The following ADD1 variants were observed in gnomAD, a reference collection of about 807,000 sequenced individuals.
ADD1 encodes the protein alpha-adducin.
A neutral mutation model predicts 80.5 loss-of-function variants in ADD1; 24 were observed. That is an observed-to-expected ratio of 0.30 (90% CI 0.22 to 0.42). ADD1 has a LOEUF of 0.42. Among genes scored for constraint, ADD1 ranks in the 10% least tolerant of loss-of-function variants. The pLI is 1.00. For missense variants in ADD1, 948 were observed against 1,019.0 expected, an observed-to-expected ratio of 0.93 and a Z score of 0.95; for synonymous variants, 373 against 393.8, an observed-to-expected ratio of 0.95 and a Z score of 0.63.
At chr4:2,864,548 A>C (rs539999722) in intron 1 of ADD1, among the ~76,000 whole-genome samples, 1 of 152,230 alleles carries the variant, frequency 6.6e-6, no homozygotes, top group African/African-American at 2.4e-5. Flanking sequence ...TTATACTCAC[A>C]GTGATGCTTA....
intron 6 of ADD1, among the ~76,000 whole-genome samples, chr4:2,896,089 G>A (rs1011992738): frequency 3.3e-5 from 5 of 151,668 alleles, no homozygotes; most frequent in Admixed American, 6.6e-5. Flanking sequence ...GGGTTTCACC[G>A]TGTTAGCCAG....
intron 1 of ADD1, among the ~76,000 whole-genome samples, chr4:2,871,193 G>A (rs538550112): frequency 9.2e-5 from 14 of 151,972 alleles, no homozygotes; most frequent in African/African-American, 3.4e-4. Context: ...GGATGGTCTC[G>A]ATCTCCTCAC....
chr4:2,898,589 A>C (rs969124855), intron 8 of ADD1, 58 bp downstream of exon 8: 1 of 1,493,618 alleles, frequency 6.7e-7, no homozygotes, highest in Non-Finnish European at 9.3e-7. Context: ...TGGGGTTCAC[A>C]TAGATTTTTT....
At chr4:2,896,254 G>A (rs936598413) in intron 6 of ADD1, among the ~76,000 whole-genome samples, 3 of 151,302 alleles carry the variant, frequency 2.0e-5, no homozygotes, top group Admixed American at 6.6e-5. Context: ...TGTCACGCAG[G>A]CTGAAGTGCA....
intron 1 of ADD1, among the ~76,000 whole-genome samples, chr4:2,870,059 T>C (rs78849238): frequency 2.6e-4 from 39 of 152,256 alleles, no homozygotes; most frequent in Non-Finnish European, 5.1e-4. Flanking sequence ...TAAGTTTTCA[T>C]GTTCCAGCTT....
intron 13 of ADD1, among the ~76,000 whole-genome samples, chr4:2,912,752 C>T (rs1397510982): frequency 6.6e-6 from 1 of 152,190 alleles, no homozygotes; most frequent in Non-Finnish European, 1.5e-5. Flanking sequence ...GTCTCGAACT[C>T]CTGGGCTCAA....
intron 1 of ADD1, among the ~76,000 whole-genome samples, chr4:2,874,092 T>C (rs567860394): frequency 2.2e-4 from 34 of 152,066 alleles, no homozygotes; most frequent in African/African-American, 7.5e-4. Flanking sequence ...TGTGGGCCTG[T>C]AGTCTCAGCT....
intron 9 of ADD1, chr4:2,901,816 A>T (rs1168152942): frequency 9.3e-5 from 14 of 150,986 alleles, no homozygotes; most frequent in Admixed American, 5.3e-4. Context: ...ATTTCATTTG[A>T]ACTTCTACAG....
chr4:2,917,318 T>A (rs1577714256), intron 14 of ADD1, among the ~76,000 whole-genome samples: 1 of 152,238 alleles, frequency 6.6e-6, no homozygotes, highest in South Asian at 2.1e-4. Flanking sequence ...GTTTGTTGGC[T>A]ACATAAATGT....
In ADD1 at chr4:2,898,415, A is replaced by G; in HGVS notation, c.886-18A>G. 3.1e-6 allele frequency: 5 copies of G among 1,614,190 alleles called. No individual in the cohort carries two copies. Among genetic ancestry groups the G allele is most frequent in the Non-Finnish European group, 4.2e-6 (5 of 1,179,990 alleles). ...GTCTTCCTGCCCAGCTCCACAGAGCATTCATGCTTCCCCTCAGGTTCTTAT... is the reference window on the plus strand; with the variant it reads ...GTCTTCCTGCCCAGCTCCACAGAGCGTTCATGCTTCCCCTCAGGTTCTTAT... On this transcript the variant is annotated intron_variant, in intron 7 of 15. Transcript: ENST00000683351.
chr4:2,905,803 G>T (rs1161488143), intron 10 of ADD1: 1 of 152,858 alleles, frequency 6.5e-6, no homozygotes, highest in Non-Finnish European at 1.5e-5. Flanking sequence ...TCGTTTCAGC[G>T]TTAATGCCGC....
chr4:2,903,576 C>T (rs946767819), intron 9 of ADD1, among the ~76,000 whole-genome samples: 4 of 152,190 alleles, frequency 2.6e-5, no homozygotes, highest in African/African-American at 9.7e-5. Context: ...TTCTTGGCAG[C>T]TTTACTTCTT....
chr4:2,889,115 A>G (rs891054713), intron 4 of ADD1, among the ~76,000 whole-genome samples: 3 of 152,176 alleles, frequency 2.0e-5, no homozygotes, highest in Admixed American at 6.5e-5. Flanking sequence ...GTCAAACTTA[A>G]TATAAAGTGG....
chr4:2,926,168 C>CTGTGGCGGAA lies in ADD1; in HGVS notation c.2047+65_2047+74dup. On this transcript the variant is annotated intron_variant, in intron 15 of 15. Coordinates refer to ENST00000683351, the MANE Select transcript of ADD1 (RefSeq NM_001354761.2). This position sits in a 1 kb window ranked among gnomAD's most constrained non-coding sequence, Gnocchi z 5.0. ...TGGGAGGGTGCACGGCTCGTGCGCG[C>CTGTGGCGGAA]TGTGGCGGAATGTGGCGGGAGTCGT... 1 of 1,490,304 alleles carries CTGTGGCGGAA rather than the reference C, an allele frequency of 6.7e-7. No homozygotes were observed. Among genetic ancestry groups the CTGTGGCGGAA allele is most frequent in the Non-Finnish European group, 9.4e-7 (1 of 1,068,796 alleles). The allele number at this position is 1,490,304 out of a possible 1,614,324, so 92.3% of individuals were successfully genotyped here.
At chr4:2,846,853 C>T (rs1726280412) in intron 1 of ADD1, among the ~76,000 whole-genome samples, 1 of 149,484 alleles carries the variant, frequency 6.7e-6, no homozygotes, top group Admixed American at 6.7e-5. Flanking sequence ...CGTGGTGGCT[C>T]ACACCTGTAA....
rs1275652308 is a variant in ADD1, at chr4:2,846,649, A to G, written c.-21+2625A>G. Among the ~76,000 whole-genome samples, 3 of 152,062 alleles carry G rather than the reference A, an allele frequency of 2.0e-5. No homozygotes were observed. In the East Asian group the frequency reaches 5.8e-4, roughly 29 times the overall value. ...TCCATTATTTACTAGGTTTCACATA[A>G]TGAATTGTTTCGCTAATATCCTTCA... is the stretch of plus-strand genomic sequence containing the variant. On this transcript the variant is annotated intron_variant, in intron 1 of 15. Coordinates refer to ENST00000683351, the MANE Select transcript of ADD1 (RefSeq NM_001354761.2).
intron 4 of ADD1, among the ~76,000 whole-genome samples, chr4:2,885,294 C>G (rs962223607): frequency 6.6e-6 from 1 of 152,186 alleles, no homozygotes; most frequent in Admixed American, 6.5e-5. Context: ...TAGCGAAATC[C>G]TGCTGTGGAA....
intron 14 of ADD1, among the ~76,000 whole-genome samples, chr4:2,920,080 G>A (rs144689630): frequency 3.3e-5 from 5 of 152,026 alleles, no homozygotes; most frequent in African/African-American, 9.7e-5. Context: ...TTATTTCTGC[G>A]TGAATTTTGT....
intron 1 of ADD1, among the ~76,000 whole-genome samples, chr4:2,854,302 C>T (rs1441169052): frequency 2.6e-5 from 4 of 151,950 alleles, no homozygotes; most frequent in Admixed American, 6.6e-5. Context: ...CCAGTCTGGG[C>T]GACAGAATGA....
Sources: allele counts gnomAD v4.1 joint callset (sites outside exome capture counted in the v4.1 genomes callset), GRCh38; gene constraint gnomAD v4.1.1; non-coding constraint Gnocchi (gnomAD v3.1); transcripts MANE v1.5; gene names NCBI Gene and HGNC (gene_info 2026-07-23, HGNC 2026-07-21).